The following CSMD3 variants were observed in gnomAD, a reference collection of about 807,000 sequenced individuals.
The protein encoded by CSMD3 is CUB and Sushi multiple domains 3, also known as CUB and sushi domain-containing protein 3.
A neutral mutation model predicts 435.2 loss-of-function variants in CSMD3; 177 were observed. That is an observed-to-expected ratio of 0.41 (90% confidence interval 0.36 to 0.46). The LOEUF (loss-of-function observed/expected upper bound fraction) is 0.46, where lower values mean the gene tolerates loss of function less well. Ranked by LOEUF, CSMD3 falls within the 20% of genes least tolerant of loss-of-function variation. The pLI, the probability that CSMD3 is intolerant of heterozygous loss-of-function variation, is 0.34. For synonymous variants in CSMD3, 1,656 were observed against 1,520.5 expected, an observed-to-expected ratio of 1.09 and a Z score of -2.07; for missense variants, 4,265 against 4,504.6, an observed-to-expected ratio of 0.95 and a Z score of 1.52.
At chr8:113,398,209 T>G (rs1334390956) in intron 1 of CSMD3, among the ~76,000 whole-genome samples, 1 of 152,222 alleles carries the variant, frequency 6.6e-6, no homozygotes, top group African/African-American at 2.4e-5. Context: ...TTAATCCATC[T>G]GAAATTTATT....
chr8:112,316,093 T>A (rs1822433427), intron 47 of CSMD3, among the ~76,000 whole-genome samples: 1 of 151,840 alleles, frequency 6.6e-6, no homozygotes, highest in South Asian at 2.1e-4. Flanking sequence ...TATAAACATG[T>A]TAATAACTTG....
chr8:112,703,571 C>T (rs1465863255), intron 13 of CSMD3, among the ~76,000 whole-genome samples: 1 of 152,102 alleles, frequency 6.6e-6, no homozygotes, highest in Non-Finnish European at 1.5e-5. Context: ...CATAGAACTA[C>T]TCATTGATCA....
At chr8:113,396,689 A>T (rs964331785) in intron 1 of CSMD3, among the ~76,000 whole-genome samples, 1 of 152,138 alleles carries the variant, frequency 6.6e-6, no homozygotes, top group Non-Finnish European at 1.5e-5. Flanking sequence ...TTCGTACCAA[A>T]GTAGAATATC....
chr8:112,879,359 A>G (rs1050256505), intron 10 of CSMD3, among the ~76,000 whole-genome samples: 1 of 152,128 alleles, frequency 6.6e-6, no homozygotes, highest in Non-Finnish European at 1.5e-5. Flanking sequence ...AATCCTAGTC[A>G]GATGGGTTCT....
At chr8:113,110,436 A>T (rs1256268309) in intron 4 of CSMD3, among the ~76,000 whole-genome samples, 1 of 152,230 alleles carries the variant, frequency 6.6e-6, no homozygotes. Context: ...TTCATAAAAC[A>T]CTAGGACATG....
intron 32 of CSMD3, among the ~76,000 whole-genome samples, chr8:112,420,081 T>C (rs17560376): frequency 0.033 from 4,994 of 152,260 alleles, 140 homozygotes; most frequent in Non-Finnish European, 0.053. Context: ...CAAATCCCAA[T>C]TAGGTCAGAA....
At chr8:112,340,858 G>A (rs73700634) in intron 42 of CSMD3, among the ~76,000 whole-genome samples, 6,063 of 152,134 alleles carry the variant, frequency 0.04, 395 homozygotes, top group African/African-American at 0.14. Context: ...CAAATGGAGA[G>A]CAAGGCCGAG....
intron 7 of CSMD3, among the ~76,000 whole-genome samples, chr8:112,975,204 T>A: frequency 6.6e-6 from 1 of 152,128 alleles, no homozygotes; most frequent in South Asian, 2.1e-4. Context: ...AAAAATAAAT[T>A]AGACATTTAA....
At chr8:112,415,863 C>A (rs1161993515) in intron 32 of CSMD3, among the ~76,000 whole-genome samples, 2 of 152,074 alleles carry the variant, frequency 1.3e-5, no homozygotes, top group East Asian at 3.9e-4. Flanking sequence ...TTTGTTTTGG[C>A]CAATTTCTCT....
At chr8:113,400,828 T>C (rs1173885458) in intron 1 of CSMD3, among the ~76,000 whole-genome samples, 1 of 151,888 alleles carries the variant, frequency 6.6e-6, no homozygotes, top group Non-Finnish European at 1.5e-5. Context: ...ACAATTACTT[T>C]GTATATCCTG....
chr8:113,036,745 A>T (rs2087369230), intron 5 of CSMD3, among the ~76,000 whole-genome samples: 1 of 152,090 alleles, frequency 6.6e-6, no homozygotes, highest in East Asian at 1.9e-4. Context: ...TCTGTAGTTT[A>T]TCTCTATTTC....
At chr8:113,118,606 G>A (rs948637276) in intron 4 of CSMD3, among the ~76,000 whole-genome samples, 1 of 145,620 alleles carries the variant, frequency 6.9e-6, no homozygotes, top group Admixed American at 6.6e-5. Flanking sequence ...AGGTTGCAGT[G>A]ATCTAGGATT....
At chr8:112,895,170 CAG>C (rs1172273704) in intron 10 of CSMD3, among the ~76,000 whole-genome samples, 2 of 151,230 alleles carry the variant, frequency 1.3e-5, no homozygotes, top group Non-Finnish European at 3.0e-5. Context: ...TCTGACCACG[CAG>C]AGTTTATATA....
intron 7 of CSMD3, among the ~76,000 whole-genome samples, chr8:112,958,853 A>T (rs2084129544): frequency 6.6e-6 from 1 of 152,142 alleles, no homozygotes; most frequent in Non-Finnish European, 1.5e-5. Context: ...ATAGATTGGG[A>T]AGTACTATAT....
intron 10 of CSMD3, among the ~76,000 whole-genome samples, chr8:112,905,536 A>C (rs1422465454): frequency 6.6e-6 from 1 of 151,352 alleles, no homozygotes; most frequent in East Asian, 2.0e-4. Flanking sequence ...CCAAAGCAAA[A>C]CACAAATTTA....
At chr8:113,050,463 C>A (rs2088039357) in intron 5 of CSMD3, among the ~76,000 whole-genome samples, 1 of 151,890 alleles carries the variant, frequency 6.6e-6, no homozygotes, top group Non-Finnish European at 1.5e-5. Context: ...CAACAGAGTT[C>A]AGAAGCAATG....
At chr8:113,025,461 G>A (rs893186930) in intron 5 of CSMD3, among the ~76,000 whole-genome samples, 1 of 152,132 alleles carries the variant, frequency 6.6e-6, no homozygotes, top group Non-Finnish European at 1.5e-5. Context: ...TTCAGACTAC[G>A]CATACTTGGG....
intron 3 of CSMD3, among the ~76,000 whole-genome samples, chr8:113,187,415 A>G (rs2092522925): frequency 6.6e-6 from 1 of 152,020 alleles, no homozygotes; most frequent in African/African-American, 2.4e-5. Flanking sequence ...ATTGTAATTC[A>G]AGGATCAAGG....
chr8:113,277,198 A>G (rs948530910), intron 3 of CSMD3, among the ~76,000 whole-genome samples: 3 of 151,994 alleles, frequency 2.0e-5, no homozygotes, highest in African/African-American at 7.2e-5. Context: ...CTTAAAATTA[A>G]ACTTTGTGGT....
Sources: gnomAD v4.1 joint callset for allele counts (sites outside exome capture counted in the v4.1 genomes callset) on GRCh38, gnomAD v4.1.1 for gene constraint, MANE v1.5 for transcripts, NCBI Gene and HGNC (gene_info 2026-07-23, HGNC 2026-07-21) for gene names.